NQO2: variants seen among roughly 807,000 people sequenced by gnomAD.
NQO2 encodes the protein N-ribosyldihydronicotinamide:quinone dehydrogenase 2.
In NQO2, 18 loss-of-function variants were observed where a neutral mutation model predicts 22.0. The observed-to-expected ratio is 0.82, with a 90% CI of 0.56 to 1.21. The LOEUF (loss-of-function observed/expected upper bound fraction) is 1.21, where lower values mean the gene tolerates loss of function less well. NQO2 is among the 50% of genes most tolerant of loss of function. The probability of loss-of-function intolerance (pLI) is 0.00; values close to 1 mark genes in which losing one functional copy is unlikely to be tolerated. For missense variants in NQO2, 267 were observed against 286.9 expected (o/e 0.93, Z 0.50); for synonymous variants, 106 against 110.8 (o/e 0.96, Z 0.28).
chr6:3,009,977 CAG>C (rs1281139884), intron 2 of NQO2, 46 bp from the exon 3 acceptor site: 9 of 1,561,644 alleles, frequency 5.8e-6, no homozygotes, highest in South Asian at 1.2e-5. Context: ...TTGAATTTAA[CAG>C]AGAGAGGTTG....
At chr6:3,007,171 G>T (rs374114222) in intron 2 of NQO2, among the ~76,000 whole-genome samples, 73 of 152,152 alleles carry the variant, frequency 4.8e-4, no homozygotes, top group African/African-American at 1.7e-3. Context: ...GGGTCATCCT[G>T]TGCACCCTGT....
chr6:3,015,519 G>T lies in NQO2; in HGVS notation c.304-11G>T, dbSNP rs1177517986. ...GCAGCCTCAGTTTCTCTTTGGTGTT[G>T]CCGCCCACAGTTCCCGCTGTACTGG... On this transcript the variant is annotated splice_polypyrimidine_tract_variant and intron_variant, in intron 4 of 6. Transcript: ENST00000380455. The T allele has an allele frequency of 5.6e-6, 9 of 1,610,822 alleles. No individual in the cohort carries two copies. The highest frequency in any genetic ancestry group is 7.6e-6 in the Non-Finnish European group (9 of 1,178,968).
At chr6:3,004,273 G>A (rs1756853666) in intron 1 of NQO2, 22 of 915,574 alleles carry the variant, frequency 2.4e-5, no homozygotes, top group Non-Finnish European at 2.9e-5. Flanking sequence ...TGTCCTTGGG[G>A]AACCAGAGTG....
chr6:3,018,513 GCAAA>G (rs1033199522), intron 6 of NQO2, among the ~76,000 whole-genome samples: 5 of 152,158 alleles, frequency 3.3e-5, no homozygotes, highest in African/African-American at 1.2e-4. Flanking sequence ...TCAAAAACAA[GCAAA>G]CAAACAAACA....
At chr6:3,001,898 A>G (rs1756744646) in intron 1 of NQO2, among the ~76,000 whole-genome samples, 1 of 152,176 alleles carries the variant, frequency 6.6e-6, no homozygotes. Context: ...GCCTGGGGTC[A>G]AGTGAACAGT....
At chr6:3,007,224 A>G (rs1486836957) in intron 2 of NQO2, among the ~76,000 whole-genome samples, 2 of 152,210 alleles carry the variant, frequency 1.3e-5, no homozygotes, top group South Asian at 2.1e-4. Flanking sequence ...ACCAGATGCC[A>G]GTAGCACCCC....
At chr6:3,005,040 C>T (rs536411321) in intron 1 of NQO2, among the ~76,000 whole-genome samples, 60 of 152,154 alleles carry the variant, frequency 3.9e-4, no homozygotes, top group Non-Finnish European at 7.9e-4. Context: ...GGTAATCCAC[C>T]TGCCTCAGCC....
chr6:3,018,600 C>T (rs561041869), intron 6 of NQO2, among the ~76,000 whole-genome samples: 18 of 152,124 alleles, frequency 1.2e-4, no homozygotes, highest in African/African-American at 3.6e-4. Context: ...CCCCACCTGA[C>T]AGGGCAGGCC....
chr6:3,002,757 T>C (rs1187057593), intron 1 of NQO2, among the ~76,000 whole-genome samples: 2 of 152,130 alleles, frequency 1.3e-5, no homozygotes, highest in African/African-American at 2.4e-5. Context: ...CTTTTTTTTT[T>C]TGAACCACAG....
intron 1 of NQO2, chr6:3,005,845 C>T (rs183071322): frequency 3.1e-6 from 3 of 979,934 alleles, no homozygotes; most frequent in African/African-American, 3.5e-5. Flanking sequence ...GGTTGAGGCA[C>T]AGAGGGGTGG....
At chr6:3,007,035 T>C (rs1756973716) in intron 2 of NQO2, 2 of 396,720 alleles carry the variant, frequency 5.0e-6, no homozygotes, top group African/African-American at 2.1e-5. Context: ...CACCTAACGA[T>C]ATAACATGGA....
intron 5 of NQO2, among the ~76,000 whole-genome samples, chr6:3,016,065 C>T (rs748624132): frequency 4.6e-5 from 7 of 152,178 alleles, no homozygotes; most frequent in Admixed American, 2.0e-4. Context: ...GCGACACCCA[C>T]GTGGCAGGAT....
intron 2 of NQO2, among the ~76,000 whole-genome samples, chr6:3,008,412 CAAAAA>C (rs543349139): frequency 1.2e-5 from 1 of 83,560 alleles, no homozygotes; most frequent in African/African-American, 3.6e-5. Flanking sequence ...AACTCTGTTT[CAAAAA>C]AAAAAAAAAA....
Position 3,015,612 on chromosome 6 carries a change from T to C in NQO2, c.386T>C (p.Ile129Thr). ...CTGTGCCAGGGCTTTGCCTTTGACATCCCAGGATTCTACGATTCCGGTTTG... is the reference window on the plus strand; with the variant it reads ...CTGTGCCAGGGCTTTGCCTTTGACACCCCAGGATTCTACGATTCCGGTTTG... ...RVLCQGFAFDIPGFYDSGLLQ... is the reference protein window; with the variant it reads ...RVLCQGFAFDTPGFYDSGLLQ... The change falls in exon 5 of 7, where the codon ATC (isoleucine) becomes ACC (threonine). Residue 129 changes from isoleucine to threonine, a missense_variant. Physicochemically the swap from Ile to Thr is moderately conservative, Grantham distance 89. Coordinates refer to ENST00000380455, the MANE Select transcript of NQO2 (RefSeq NM_000904.6). The C allele has an allele frequency of 6.2e-7, 1 of 1,614,162 alleles. No homozygotes were observed. Among genetic ancestry groups the C allele is most frequent in the Non-Finnish European group, 8.5e-7 (1 of 1,180,018 alleles).
chr6:3,010,344 A>C (rs1757101932), intron 3 of NQO2, among the ~76,000 whole-genome samples, 155 bp downstream of exon 3: 1 of 152,118 alleles, frequency 6.6e-6, no homozygotes, highest in South Asian at 2.1e-4. Context: ...CACCAGCAGT[A>C]TCCCAGAAGT....
chr6:3,008,244 C>T (rs1757013535), intron 2 of NQO2, among the ~76,000 whole-genome samples: 1 of 151,620 alleles, frequency 6.6e-6, no homozygotes, highest in Non-Finnish European at 1.5e-5. Flanking sequence ...ATGGAGAAAC[C>T]CGGTCTTAAC....
At position 3,010,188 on chromosome 6, in the gene NQO2, T is replaced by G. The variant is rs1220311743; in HGVS notation, c.171T>G (p.Thr57=). The change falls in exon 3 of 7, where the codon ACT becomes ACG. Residue 57 remains threonine, a splice_region_variant and synonymous_variant. Coordinates refer to ENST00000380455, the MANE Select transcript of NQO2 (RefSeq NM_000904.6). ...LEPRATDKDI[T]GTLSNPEVFN... ...CGAGGGCCACAGACAAAGATATCAC[T>G]GGTGAGTCATGGGATAAATGCTCTA... is the stretch of plus-strand genomic sequence containing the variant. 8 of 1,605,120 alleles carry G rather than the reference T, an allele frequency of 5.0e-6. No homozygotes were observed. The highest frequency in any genetic ancestry group is 5.1e-6 in the Non-Finnish European group (6 of 1,175,568).
In NQO2 at chr6:3,011,273, T is replaced by TA. The variant is rs1757126139; in HGVS notation, c.172+1090dup. 2.6e-5 allele frequency among the ~76,000 whole-genome samples: 4 copies of TA among 152,292 alleles called. No homozygotes were observed. The South Asian group carries it at 8.3e-4, about 32-fold the overall frequency. On this transcript the variant is annotated intron_variant, in intron 3 of 6. Coordinates refer to ENST00000380455, the MANE Select transcript of NQO2 (RefSeq NM_000904.6). ...TTTACAAAGAGATTGAAATAATTTT[T>TA]AAAAAATCAAACAGAAATCTTGGAA...
At chr6:3,008,858 G>C (rs543000255) in intron 2 of NQO2, among the ~76,000 whole-genome samples, 1 of 152,232 alleles carries the variant, frequency 6.6e-6, no homozygotes, top group Admixed American at 6.5e-5. Context: ...CAAAGGGGAG[G>C]GAGTGTACAA....
Sources: gnomAD v4.1 joint callset for allele counts (sites outside exome capture counted in the v4.1 genomes callset) on GRCh38, gnomAD v4.1.1 for gene constraint, MANE v1.5 for transcripts, NCBI Gene and HGNC (gene_info 2026-07-23, HGNC 2026-07-21) for gene names.